PPP6R2: variants seen among roughly 807,000 people sequenced by gnomAD.
PPP6R2 encodes the protein serine/threonine-protein phosphatase 6 regulatory subunit 2.
Under a neutral mutation model 100.2 loss-of-function variants are expected in PPP6R2, and 62 were observed. The observed-to-expected ratio is 0.62, with a 90% CI of 0.50 to 0.76. The LOEUF (loss-of-function observed/expected upper bound fraction) is 0.76, where lower values mean the gene tolerates loss of function less well. Among genes scored for constraint, PPP6R2 ranks in the 30% least tolerant of loss-of-function variants. PPP6R2 has a pLI of 0.00. For missense variants in PPP6R2, 1,142 were observed against 1,276.3 expected, an observed-to-expected ratio of 0.89 and a Z score of 1.60; for synonymous variants, 525 against 514.7, an observed-to-expected ratio of 1.02 and a Z score of -0.27.
intron 1 of PPP6R2, among the ~76,000 whole-genome samples, chr22:50,366,049 A>G (rs1243419523): frequency 1.3e-5 from 2 of 152,168 alleles, no homozygotes; most frequent in Admixed American, 1.3e-4. Context: ...GATACTGAGC[A>G]TTTTTGTGTT....
In PPP6R2 at chr22:50,443,886, G is replaced by A. The variant is rs142237510; in HGVS notation, c.2600G>A (p.Arg867Gln). 46 of 1,584,426 alleles carry A rather than the reference G, an allele frequency of 2.9e-5. No homozygotes were observed. The highest frequency in any genetic ancestry group is 2.1e-4 in the East Asian group (9 of 43,096). ...CACAGGGTCGGGTGTGCTGACAGCC[G>A]GCTGTTAAGCCCTGCCTGCCCCGCG... ...AVGRVGCADS[R>Q]LLSPACPAPK... The change falls in exon 23 of 24, where the codon CGG (arginine) becomes CAG (glutamine). Residue 867 changes from arginine to glutamine, a missense_variant. This residue lies in a region of PPP6R2 where 550 missense variants were observed against 517.4 expected (regional missense o/e 1.06). Coordinates refer to ENST00000612753, the MANE Select transcript of PPP6R2 (RefSeq NM_001242898.2).
rs570913455 is a variant in PPP6R2, at chr22:50,394,066, G to A, written c.158G>A (p.Cys53Tyr). 4.3e-6 allele frequency: 7 copies of A among 1,614,212 alleles called. No individual in the cohort carries two copies. Among genetic ancestry groups the A allele is most frequent in the Middle Eastern group, 1.6e-4 (1 of 6,062 alleles). ...CTGGACTTCCTGTGCAGGCAGCAGT[G>A]CATGGAGGAGCTGGTGAGCCTCATC... ...KLLDFLCRQQ[C>Y]MEELVSLITQ... The change falls in exon 3 of 24, where the codon TGC becomes TAC. Residue 53 changes from cysteine to tyrosine, a missense_variant. Cys to Tyr is a radical substitution (Grantham distance 194). Coordinates refer to ENST00000612753, the MANE Select transcript of PPP6R2 (RefSeq NM_001242898.2).
At chr22:50,337,706 G>A in the PPP6R2 span, among the ~76,000 whole-genome samples, 2,343 of 143,702 alleles carry the variant, frequency 0.016, 47 homozygotes, top group East Asian at 0.089. Context: ...TGTGTGTGCG[G>A]TGTGGTATAT....
chr22:50,403,209 GA>G (rs537185433), intron 3 of PPP6R2, among the ~76,000 whole-genome samples: 27 of 147,450 alleles, frequency 1.8e-4, no homozygotes, highest in Admixed American at 3.4e-4. Flanking sequence ...TCTGTCTCAA[GA>G]AAAAAAAAAA....
At chr22:50,441,070 C>T (rs766782628) in intron 22 of PPP6R2, 44 bp downstream of exon 22, 29 of 1,448,882 alleles carry the variant, frequency 2.0e-5, no homozygotes, top group Admixed American at 6.6e-5. Context: ...GTGCATAGGG[C>T]GTGGCTTCCA....
intron 4 of PPP6R2, among the ~76,000 whole-genome samples, chr22:50,413,261 C>T (rs564158934): frequency 5.9e-5 from 9 of 152,278 alleles, no homozygotes; most frequent in African/African-American, 2.2e-4. Flanking sequence ...CCGCACCTGG[C>T]CAGATAAGTA....
intron 2 of PPP6R2, among the ~76,000 whole-genome samples, chr22:50,380,486 G>A (rs1019027780): frequency 9.6e-4 from 145 of 151,424 alleles, no homozygotes; most frequent in African/African-American, 2.9e-3. Flanking sequence ...TCAGCCTCCC[G>A]AGTAGCTGGG....
chr22:50,356,234 G>T (rs1445850886), intron 1 of PPP6R2, among the ~76,000 whole-genome samples: 3 of 151,836 alleles, frequency 2.0e-5, no homozygotes, highest in Non-Finnish European at 4.4e-5. Flanking sequence ...AAAATGCTGG[G>T]ATTACAGGTG....
chr22:50,376,959 G>A (rs949777338), intron 2 of PPP6R2, among the ~76,000 whole-genome samples: 20 of 151,942 alleles, frequency 1.3e-4, no homozygotes, highest in Admixed American at 4.6e-4. Flanking sequence ...CCCAGGAGGC[G>A]GAGCTTGCAG....
intron 1 of PPP6R2, among the ~76,000 whole-genome samples, chr22:50,356,293 A>C (rs1027468598): frequency 6.8e-6 from 1 of 148,032 alleles, no homozygotes; most frequent in Admixed American, 6.8e-5. Context: ...CAGAATGTAC[A>C]GTCTATTTTT....
intron 12 of PPP6R2, 131 bp downstream of exon 12, chr22:50,432,460 C>A (rs1186376798): frequency 2.3e-6 from 2 of 853,360 alleles, no homozygotes; most frequent in Non-Finnish European, 3.7e-6. Flanking sequence ...TGCGACGTGG[C>A]TCCACGTTCT....
At chr22:50,409,795 TG>T (rs1331159924) in intron 4 of PPP6R2, among the ~76,000 whole-genome samples, 3 of 152,176 alleles carry the variant, frequency 2.0e-5, no homozygotes, top group Admixed American at 2.0e-4. Context: ...GGCGTGACCT[TG>T]GCTCATTGCA....
intron 21 of PPP6R2, 106 bp downstream of exon 21, chr22:50,440,155 C>T: frequency 1.0e-6 from 1 of 997,292 alleles, no homozygotes; most frequent in Non-Finnish European, 1.5e-6. Flanking sequence ...CGGGGCCTCG[C>T]ATGCTGCTAC....
At chr22:50,395,242 C>T (rs954827528) in intron 3 of PPP6R2, among the ~76,000 whole-genome samples, 2 of 152,188 alleles carry the variant, frequency 1.3e-5, no homozygotes, top group African/African-American at 4.8e-5. Context: ...AGAGTTTTTC[C>T]TGAAACGCCC....
chr22:50,356,334 A>C (rs1602198974), intron 1 of PPP6R2, among the ~76,000 whole-genome samples: 8 of 131,950 alleles, frequency 6.1e-5, no homozygotes, highest in East Asian at 2.2e-4. Context: ...AGAGGGTGTC[A>C]CTCTGTCATC....
At chr22:50,414,515 T>G in intron 4 of PPP6R2, 37 bp from the exon 5 acceptor site, 2 of 1,606,564 alleles carry the variant, frequency 1.2e-6, no homozygotes, top group Non-Finnish European at 1.7e-6. Flanking sequence ...GTTGTCAGGG[T>G]CGGCCCCGCC....
chr22:50,444,301 G>GA lies in PPP6R2; in HGVS notation c.*58dup, dbSNP rs1001220877. ...CTGGTCAGGCTGCCTCCTTAATCGA[G>GA]AAAACTACCTGGTGATGCAATCTTT... On this transcript the variant is annotated 3_prime_UTR_variant, in exon 24 of 24. Transcript: ENST00000612753. 8 of 1,557,450 alleles carry GA rather than the reference G, an allele frequency of 5.1e-6. No homozygotes were observed. The African/African-American group carries it at 1.1e-4, about 22-fold the overall frequency.
chr22:50,339,727 TTG>T (rs1249394527), upstream of PPP6R2, among the ~76,000 whole-genome samples: 12 of 130,038 alleles, frequency 9.2e-5, no homozygotes, highest in African/African-American at 3.0e-4. Context: ...AGGGTGTGTG[TTG>T]TGTGTGTGGT....
chr22:50,438,033 C>A, intron 17 of PPP6R2, 133 bp downstream of exon 17: 1 of 1,491,386 alleles, frequency 6.7e-7, no homozygotes, highest in Non-Finnish European at 9.1e-7. Flanking sequence ...GGAACAGTCG[C>A]TTTCCTTGCC....
Sources: allele counts gnomAD v4.1 joint callset (sites outside exome capture counted in the v4.1 genomes callset), GRCh38; gene constraint gnomAD v4.1.1; regional missense constraint gnomAD v4.1.1; transcripts MANE v1.5; gene names NCBI Gene and HGNC (gene_info 2026-07-23, HGNC 2026-07-21).